The following EPHA7 variants were observed in gnomAD, a reference collection of about 807,000 sequenced individuals.
EPHA7 encodes the protein EPH receptor A7.
A neutral mutation model predicts 112.6 loss-of-function variants in EPHA7; 25 were observed. The observed-to-expected ratio is 0.22, with a 90% CI of 0.16 to 0.31. The LOEUF is 0.31. EPHA7 is among the 10% of genes least tolerant of loss of function. The pLI, the probability that EPHA7 is intolerant of heterozygous loss-of-function variation, is 1.00. For missense variants in EPHA7, 962 were observed against 1,212.6 expected (o/e 0.79, Z 3.07); for synonymous variants, 437 against 406.5 (o/e 1.07, Z -0.90).
chr6:93,419,029 G>C (rs1188268080), intron 1 of EPHA7, among the ~76,000 whole-genome samples: 1 of 152,184 alleles, frequency 6.6e-6, no homozygotes, highest in Non-Finnish European at 1.5e-5. Flanking sequence ...TCGGATGGAC[G>C]GCTCCGGGCA....
At position 93,243,209 on chromosome 6, in the gene EPHA7, C is replaced by A. The variant is rs1346770606; in HGVS notation, c.*217G>T. 4.9e-6 allele frequency: 2 copies of A among 408,234 alleles called. No homozygotes were observed. Among genetic ancestry groups the A allele is most frequent in the Admixed American group, 4.1e-5 (1 of 24,424 alleles). 25.3% of individuals were successfully genotyped at this position (408,234 alleles called of 1,614,324 possible). ...GGTAGTACTTTGTTTATTGTCACTGCTATTTTCCTGGCCACCGATGGTGGA... is the reference window on the plus strand; with the variant it reads ...GGTAGTACTTTGTTTATTGTCACTGATATTTTCCTGGCCACCGATGGTGGA... On this transcript the variant is annotated 3_prime_UTR_variant, in exon 17 of 17. Transcript: ENST00000369303.
chr6:93,243,808 TAA>T (rs1582377298), intron 16 of EPHA7, among the ~76,000 whole-genome samples: 1 of 152,266 alleles, frequency 6.6e-6, no homozygotes, highest in East Asian at 1.9e-4. Flanking sequence ...AAGAAATTAT[TAA>T]AGTCTTAAAA....
In EPHA7 at chr6:93,414,761, A is replaced by C. The variant is rs1192639917; in HGVS notation, c.104T>G (p.Leu35Arg). 6.2e-7 allele frequency: 1 copy of C among 1,612,336 alleles called. No homozygotes were observed. Among genetic ancestry groups the C allele is most frequent in the East Asian group, 2.2e-5 (1 of 44,746 alleles). ...TGTTTGTTGTGCTTTAGAATCCAGC[A>C]GTAGTACTGAAAAAGAAAGTTGTAT... ...GEAQAAKEVL[L>R]LDSKAQQTEL... The change falls in exon 2 of 17, where the codon CTG (leucine) becomes CGG (arginine). Residue 35 changes from leucine (L) to arginine (R), a missense_variant. Transcript: ENST00000369303.
intron 3 of EPHA7, among the ~76,000 whole-genome samples, chr6:93,393,983 C>G (rs956117659): frequency 1.3e-5 from 2 of 150,984 alleles, no homozygotes; most frequent in African/African-American, 2.4e-5. Flanking sequence ...GTGTAGATCA[C>G]TTATACAAAT....
In EPHA7 at chr6:93,419,494, T is replaced by A. The variant is rs1779421707; in HGVS notation, c.-153A>T. 3 of 614,020 alleles carry A rather than the reference T, an allele frequency of 4.9e-6. No individual in the cohort carries two copies. The highest frequency in any genetic ancestry group is 8.4e-6 in the Non-Finnish European group (3 of 358,512). 38.0% of individuals were successfully genotyped at this position (614,020 alleles called of 1,614,324 possible). A position where few individuals can be genotyped will look rare whatever the true frequency, so the allele number is the denominator to read the frequency against. On this transcript the variant is annotated 5_prime_UTR_variant, in exon 1 of 17. Coordinates refer to ENST00000369303, the MANE Select transcript of EPHA7 (RefSeq NM_004440.4). ...CGGCTGCTCCACGTTTAGCTTTTTTTAATTTCCCCCCCACTCCTGTTCGCT... is the reference window on the plus strand; with the variant it reads ...CGGCTGCTCCACGTTTAGCTTTTTTAAATTTCCCCCCCACTCCTGTTCGCT...
chr6:93,245,586 C>T (rs565168538), intron 15 of EPHA7, 133 bp from the exon 16 acceptor site: 54 of 812,330 alleles, frequency 6.6e-5, no homozygotes, highest in Non-Finnish European at 8.1e-5. Context: ...AAAAATACAT[C>T]GATATGCTAA....
rs760896488 is a variant in EPHA7 at position 93,358,221 on chromosome 6, A to G, written c.988+35T>C. 3.9e-6 allele frequency: 6 copies of G among 1,542,744 alleles called. No individual in the cohort carries two copies. The Admixed American group carries it at 1.1e-4, about 29-fold the overall frequency. On this transcript the variant is annotated intron_variant, in intron 4 of 16. Coordinates refer to ENST00000369303, the MANE Select transcript of EPHA7 (RefSeq NM_004440.4). ...ACAACAGTACAAATGAGTGGAAGGG[A>G]TTGGAAAGTCCTTTACTTTCATAAT... is the stretch of plus-strand genomic sequence containing the variant.
At chr6:93,286,834 C>A (rs1401868565) in intron 5 of EPHA7, among the ~76,000 whole-genome samples, 5 of 152,110 alleles carry the variant, frequency 3.3e-5, no homozygotes, top group Non-Finnish European at 7.4e-5. Context: ...AGACCCTGAA[C>A]AGGGCAAAGG....
chr6:93,295,325 ACTT>A (rs1772603842), intron 5 of EPHA7, among the ~76,000 whole-genome samples: 1 of 151,866 alleles, frequency 6.6e-6, no homozygotes, highest in African/African-American at 2.4e-5. Flanking sequence ...AATATTTTAC[ACTT>A]CTTAATTATG....
chr6:93,258,344 G>GTAAATATTGTA (rs2127859325), intron 10 of EPHA7, 60 bp from the exon 11 acceptor site: 5 of 1,400,118 alleles, frequency 3.6e-6, no homozygotes, highest in Non-Finnish European at 3.9e-6. Flanking sequence ...TTTCTTTTAA[G>GTAAATATTGTA]AGTAAATGCG....
At chr6:93,260,964 T>C (rs1010711600) in intron 9 of EPHA7, among the ~76,000 whole-genome samples, 1 of 151,662 alleles carries the variant, frequency 6.6e-6, no homozygotes, top group African/African-American at 2.4e-5. Context: ...TATTCTCTCT[T>C]TCTTTCATTT....
intron 3 of EPHA7, among the ~76,000 whole-genome samples, chr6:93,386,454 C>T (rs1777610323): frequency 6.6e-6 from 1 of 152,156 alleles, no homozygotes; most frequent in Non-Finnish European, 1.5e-5. Flanking sequence ...TCAGGTCACG[C>T]TGATGTAAGA....
rs1056856520 is a variant in EPHA7, at chr6:93,315,750, C to T, written c.1324+40967G>A. Among the ~76,000 whole-genome samples, 7 of 152,258 alleles carry T rather than the reference C, an allele frequency of 4.6e-5. No homozygotes were observed. The South Asian group carries it at 8.3e-4, about 18-fold the overall frequency. Reference sequence around the variant, plus strand: ...TGTTCAACTTTTTACCTAAGAAGTACTGTGTTTTGTCTTATCAATTTCATG... The same window carrying T: ...TGTTCAACTTTTTACCTAAGAAGTATTGTGTTTTGTCTTATCAATTTCATG... On this transcript the variant is annotated intron_variant, in intron 5 of 16. Coordinates refer to ENST00000369303, the MANE Select transcript of EPHA7 (RefSeq NM_004440.4).
At chr6:93,279,210 T>C (rs1314577933) in intron 5 of EPHA7, among the ~76,000 whole-genome samples, 5 of 152,138 alleles carry the variant, frequency 3.3e-5, no homozygotes, top group Non-Finnish European at 5.9e-5. Context: ...CTTCCAGAAA[T>C]TGTCTAGGTA....
chr6:93,285,922 T>C (rs1311709870), intron 5 of EPHA7, among the ~76,000 whole-genome samples: 10 of 152,192 alleles, frequency 6.6e-5, no homozygotes, highest in Admixed American at 6.5e-4. Context: ...TAAGGTTTCA[T>C]TGGAACACAG....
chr6:93,299,368 G>T (rs1772851276), intron 5 of EPHA7, among the ~76,000 whole-genome samples: 1 of 150,334 alleles, frequency 6.7e-6, no homozygotes, highest in African/African-American at 2.4e-5. Context: ...AAAAAAAAAA[G>T]AAGAAAGAAA....
chr6:93,276,251 A>T (rs576601739), intron 5 of EPHA7, among the ~76,000 whole-genome samples: 5 of 152,192 alleles, frequency 3.3e-5, no homozygotes, highest in African/African-American at 1.2e-4. Flanking sequence ...ATGCTGTAGA[A>T]GTCAGAGAAA....
chr6:93,281,693 TAAAG>T (rs1582440790), intron 5 of EPHA7, among the ~76,000 whole-genome samples: 1 of 152,148 alleles, frequency 6.6e-6, no homozygotes, highest in Non-Finnish European at 1.5e-5. Context: ...TTTTTTTAAA[TAAAG>T]AGAGAAATAA....
chr6:93,266,998 T>C (rs1770971533), intron 7 of EPHA7, among the ~76,000 whole-genome samples: 1 of 151,776 alleles, frequency 6.6e-6, no homozygotes, highest in Admixed American at 6.6e-5. Context: ...GAAGATGTTA[T>C]TTGACTTTTT....
Sources: gnomAD v4.1 joint callset for allele counts (sites outside exome capture counted in the v4.1 genomes callset) on GRCh38, gnomAD v4.1.1 for gene constraint, MANE v1.5 for transcripts, NCBI Gene and HGNC (gene_info 2026-07-23, HGNC 2026-07-21) for gene names.